STAB2: variants seen among roughly 807,000 people sequenced by gnomAD.
The protein encoded by STAB2 is stabilin-2.
STAB2 carries 288 observed loss-of-function variants against 338.1 expected under a neutral mutation model. That is an observed-to-expected ratio of 0.85 (90% CI 0.77 to 0.94). The LOEUF (loss-of-function observed/expected upper bound fraction) is 0.94, where lower values mean the gene tolerates loss of function less well. STAB2 is among the 40% of genes least tolerant of loss of function. The pLI, the probability that STAB2 is intolerant of heterozygous loss-of-function variation, is 0.00. For synonymous variants in STAB2, 1,202 were observed against 1,193.3 expected (o/e 1.01, Z -0.15); for missense variants, 3,141 against 3,210.1 (o/e 0.98, Z 0.52).
At chr12:103,722,887 G>A (rs925673870) in intron 44 of STAB2, among the ~76,000 whole-genome samples, 2 of 152,186 alleles carry the variant, frequency 1.3e-5, no homozygotes, top group African/African-American at 4.8e-5. Context: ...GACCCCAGGT[G>A]GAGACATCAC....
intron 39 of STAB2, among the ~76,000 whole-genome samples, chr12:103,709,854 C>G (rs1019443681): frequency 6.6e-6 from 1 of 152,096 alleles, no homozygotes; most frequent in Admixed American, 6.6e-5. Flanking sequence ...GGTGAATCCC[C>G]AGAATAAATA....
chr12:103,695,477 A>T, intron 31 of STAB2, 73 bp from the exon 32 acceptor site: 1 of 1,407,012 alleles, frequency 7.1e-7, no homozygotes, highest in Non-Finnish European at 1.0e-6. Context: ...ATGGCATTAG[A>T]CTCTCCTATG....
chr12:103,741,090 A>G (rs1882547179), intron 55 of STAB2, among the ~76,000 whole-genome samples: 1 of 152,144 alleles, frequency 6.6e-6, no homozygotes, highest in African/African-American at 2.4e-5. Flanking sequence ...AAGCATGTTT[A>G]AAGACTTTGA....
chr12:103,668,057 C>T (rs1212522154), intron 19 of STAB2, among the ~76,000 whole-genome samples: 1 of 152,184 alleles, frequency 6.6e-6, no homozygotes, highest in East Asian at 1.9e-4. Context: ...GCATGAGAAA[C>T]ATCCACATAG....
intron 5 of STAB2, among the ~76,000 whole-genome samples, chr12:103,630,644 C>A (rs1291730584): frequency 4.6e-5 from 7 of 152,146 alleles, no homozygotes; most frequent in Non-Finnish European, 7.3e-5. Flanking sequence ...ATGAGAAAGA[C>A]AGAAGAGAGA....
At chr12:103,686,339 T>G (rs1002051855) in intron 27 of STAB2, among the ~76,000 whole-genome samples, 1 of 152,200 alleles carries the variant, frequency 6.6e-6, no homozygotes, top group Non-Finnish European at 1.5e-5. Flanking sequence ...TCTCCTGACA[T>G]GCAGACCATG....
chr12:103,609,212 A>C (rs1010180135), intron 3 of STAB2, among the ~76,000 whole-genome samples: 14 of 152,158 alleles, frequency 9.2e-5, no homozygotes, highest in African/African-American at 3.1e-4. Context: ...AGTTTTTTCC[A>C]ATTCTGTGAA....
chr12:103,742,626 C>G, intron 56 of STAB2, 72 bp downstream of exon 56: 1 of 1,596,518 alleles, frequency 6.3e-7, no homozygotes. Flanking sequence ...TTCATGCCAT[C>G]TGCCTGACCT....
intron 8 of STAB2, among the ~76,000 whole-genome samples, chr12:103,639,357 T>C (rs893558476): frequency 3.3e-5 from 5 of 152,100 alleles, no homozygotes; most frequent in African/African-American, 1.2e-4. Context: ...GTGAGGTGTT[T>C]AACAGCATTC....
At chr12:103,648,582 A>C in intron 9 of STAB2, 108 bp from the exon 10 acceptor site, 5 of 1,454,674 alleles carry the variant, frequency 3.4e-6, no homozygotes, top group Non-Finnish European at 4.6e-6. Flanking sequence ...GTCCCTATTC[A>C]ACCCTGGGCA....
chr12:103,667,087 A>G (rs1476026757), intron 19 of STAB2, among the ~76,000 whole-genome samples: 2 of 152,250 alleles, frequency 1.3e-5, no homozygotes, highest in Non-Finnish European at 2.9e-5. Flanking sequence ...CATAAGAAAG[A>G]ACTTACCAAT....
intron 3 of STAB2, among the ~76,000 whole-genome samples, chr12:103,608,680 C>T (rs1957072800): frequency 6.6e-6 from 1 of 152,140 alleles, no homozygotes; most frequent in Admixed American, 6.5e-5. Flanking sequence ...TGCAGAAGCT[C>T]TTTAGTTTAA....
chr12:103,600,343 G>A (rs959141049), intron 3 of STAB2, among the ~76,000 whole-genome samples: 1 of 152,206 alleles, frequency 6.6e-6, no homozygotes, highest in African/African-American at 2.4e-5. Context: ...TGCTTGAGGA[G>A]TGTAAAGAAG....
At chr12:103,627,540 A>G (rs1957399114) in intron 5 of STAB2, among the ~76,000 whole-genome samples, 1 of 152,202 alleles carries the variant, frequency 6.6e-6, no homozygotes, top group Non-Finnish European at 1.5e-5. Flanking sequence ...TCTTTCAATG[A>G]TGATCTGGGA....
rs775491040 is a variant in STAB2, at chr12:103,637,972, T to A, written c.710-44T>A. 6 of 1,579,934 alleles carry A rather than the reference T, an allele frequency of 3.8e-6. No individual in the cohort carries two copies. In the African/African-American group the frequency reaches 4.0e-5, roughly 11 times the overall value. ...CTCACGGTTCAGTTTTCCTTCTCCA[T>A]CCCCGTTAACTAACTGCCTCTCATT... On this transcript the variant is annotated intron_variant, in intron 7 of 68. Coordinates refer to ENST00000388887, the MANE Select transcript of STAB2 (RefSeq NM_017564.10).
chr12:103,645,425 A>C (rs938557002), intron 9 of STAB2, among the ~76,000 whole-genome samples: 3 of 152,258 alleles, frequency 2.0e-5, no homozygotes, highest in African/African-American at 7.2e-5. Flanking sequence ...AGGCCAAGTC[A>C]CTTGACACAA....
chr12:103,739,672 C>T (rs1347765647), intron 54 of STAB2, among the ~76,000 whole-genome samples: 1 of 152,026 alleles, frequency 6.6e-6, no homozygotes, highest in Non-Finnish European at 1.5e-5. Flanking sequence ...AACCTGTCAA[C>T]CCATGTTCTA....
chr12:103,643,875 G>A (rs1273750346), intron 9 of STAB2, among the ~76,000 whole-genome samples: 3 of 142,052 alleles, frequency 2.1e-5, no homozygotes, highest in African/African-American at 5.2e-5. Flanking sequence ...TCCGGGAGGT[G>A]AGGGGCGCCT....
intron 58 of STAB2, among the ~76,000 whole-genome samples, chr12:103,747,482 A>G (rs549673688): frequency 3.3e-5 from 5 of 152,266 alleles, no homozygotes; most frequent in Admixed American, 1.3e-4. Flanking sequence ...GAGGTGGCCA[A>G]TACCATAAGC....
Sources: allele counts gnomAD v4.1 joint callset (sites outside exome capture counted in the v4.1 genomes callset), GRCh38; gene constraint gnomAD v4.1.1; transcripts MANE v1.5; gene names NCBI Gene and HGNC (gene_info 2026-07-23, HGNC 2026-07-21).